UTS2: variants seen among roughly 807,000 people sequenced by gnomAD.
UTS2 encodes the protein urotensin-2.
In UTS2, 10 loss-of-function variants were observed where a neutral mutation model predicts 12.6. That is an observed-to-expected ratio of 0.80 (90% CI 0.49 to 1.35). UTS2 has a LOEUF of 1.35. UTS2 is among the 40% of genes most tolerant of loss of function. UTS2 has a pLI of 0.00. For synonymous variants in UTS2, 52 were observed against 50.0 expected, an observed-to-expected ratio of 1.04 and a Z score of -0.17; for missense variants, 142 against 143.2, an observed-to-expected ratio of 0.99 and a Z score of 0.04.
At chr1:7,868,979 T>C in the UTS2 span, among the ~76,000 whole-genome samples, 1 of 147,704 alleles carries the variant, frequency 6.8e-6, no homozygotes, top group African/African-American at 2.6e-5. Flanking sequence ...CAAACCTTGA[T>C]CTTAGACTTT....
chr1:7,856,824 G>T (rs919707715), upstream of UTS2, among the ~76,000 whole-genome samples: 4 of 152,146 alleles, frequency 2.6e-5, no homozygotes, highest in African/African-American at 9.7e-5. Flanking sequence ...ACTTTGGGGG[G>T]CCGAGGCAGG....
the UTS2 span, among the ~76,000 whole-genome samples, chr1:7,906,835 G>C: frequency 1.3e-5 from 2 of 152,160 alleles, no homozygotes; most frequent in African/African-American, 4.8e-5. Flanking sequence ...TAGCCAAAGA[G>C]TCTCTAGTGA....
chr1:7,863,779 A>C, the UTS2 span, among the ~76,000 whole-genome samples: 19 of 152,198 alleles, frequency 1.2e-4, no homozygotes, highest in African/African-American at 4.6e-4. Context: ...CCCCACCAAA[A>C]TATATTGGCT....
chr1:7,856,240 C>T (rs2151385093), upstream of UTS2, among the ~76,000 whole-genome samples: 2 of 152,168 alleles, frequency 1.3e-5, no homozygotes, highest in South Asian at 2.1e-4. Flanking sequence ...GGGGAAAGAA[C>T]GGTGAACAAA....
chr1:7,890,918 A>G, the UTS2 span, among the ~76,000 whole-genome samples: 1 of 151,270 alleles, frequency 6.6e-6, no homozygotes, highest in Non-Finnish European at 1.5e-5. Context: ...ACTTCCCCAC[A>G]AAGACTCACA....
At position 7,847,691 on chromosome 1, in the gene UTS2, C is replaced by A; in HGVS notation, c.*75G>T. ...GCCTAGTTTTTCTCCACACTGTTTT[C>A]AAATCAAGCATTGTGTTATTTTTCA... On this transcript the variant is annotated 3_prime_UTR_variant, in exon 4 of 4. Coordinates refer to ENST00000361696, the MANE Select transcript of UTS2 (RefSeq NM_006786.4). The A allele has an allele frequency of 8.3e-7, 1 of 1,208,842 alleles. No individual in the cohort carries two copies. The highest frequency in any genetic ancestry group is 1.3e-5 in the South Asian group (1 of 75,290). The allele number at this position is 1,208,842 out of a possible 1,614,324, so 74.9% of individuals were successfully genotyped here. A position where few individuals can be genotyped will look rare whatever the true frequency, so the allele number is the denominator to read the frequency against.
rs1421713105 is a variant in UTS2 at position 7,848,625 on chromosome 1, T to G, written c.259-743A>C. ...AACCCCCGCCTCCAGGTTCAAGTGA[T>G]CCTCCTGCACCAGCCTCCCGAATAG... On this transcript the variant is annotated intron_variant, in intron 3 of 3. Transcript: ENST00000361696. 2.0e-5 allele frequency among the ~76,000 whole-genome samples: 3 copies of G among 152,012 alleles called. No individual in the cohort carries two copies. The East Asian group carries it at 5.9e-4, about 30-fold the overall frequency.
At chr1:7,902,533 A>G in the UTS2 span, among the ~76,000 whole-genome samples, 1 of 152,096 alleles carries the variant, frequency 6.6e-6, no homozygotes, top group Non-Finnish European at 1.5e-5. Context: ...TTGTTGGACT[A>G]TTAAGTTATG....
the UTS2 span, among the ~76,000 whole-genome samples, chr1:7,872,471 C>G: frequency 2.0e-5 from 3 of 152,116 alleles, no homozygotes; most frequent in Admixed American, 6.5e-5. Context: ...AAGTGCTATT[C>G]CAGTGAACAC....
chr1:7,861,844 C>T, the UTS2 span, among the ~76,000 whole-genome samples: 1 of 151,968 alleles, frequency 6.6e-6, no homozygotes, highest in South Asian at 2.1e-4. Flanking sequence ...ACTTTGGTGA[C>T]AAGTAGGTTT....
chr1:7,853,823 C>A (rs1048663265), upstream of UTS2, among the ~76,000 whole-genome samples: 1 of 152,252 alleles, frequency 6.6e-6, no homozygotes, highest in Non-Finnish European at 1.5e-5. Flanking sequence ...GTCCTGAAGT[C>A]TGCCTTCGGG....
upstream of UTS2, among the ~76,000 whole-genome samples, chr1:7,857,930 T>G (rs758558325): frequency 7.9e-5 from 12 of 151,712 alleles, no homozygotes; most frequent in Middle Eastern, 3.4e-3. Flanking sequence ...TGCATGTTTA[T>G]ATATATGTAA....
the UTS2 span, among the ~76,000 whole-genome samples, chr1:7,872,945 T>C: frequency 6.6e-6 from 1 of 152,210 alleles, no homozygotes; most frequent in Non-Finnish European, 1.5e-5. Flanking sequence ...TAGGAGCTAA[T>C]GCAGATGATG....
chr1:7,849,839 C>G (rs541506885), intron 2 of UTS2, among the ~76,000 whole-genome samples, 156 bp from the exon 3 acceptor site: 1 of 152,318 alleles, frequency 6.6e-6, no homozygotes, highest in African/African-American at 2.4e-5. Context: ...ACAGGCACTC[C>G]TGTTCTTATC....
the UTS2 span, among the ~76,000 whole-genome samples, chr1:7,904,903 CAAAAAAAAAAAA>C: frequency 1.7e-5 from 1 of 58,278 alleles, no homozygotes; most frequent in Non-Finnish European, 3.2e-5. Context: ...GACTCTGTCT[CAAAAAAAAAAAA>C]AAAAAAAAAA....
the UTS2 span, among the ~76,000 whole-genome samples, chr1:7,866,591 A>G: frequency 6.6e-6 from 1 of 151,964 alleles, no homozygotes; most frequent in Non-Finnish European, 1.5e-5. This position sits in a 1 kb window ranked among gnomAD's most constrained non-coding sequence, Gnocchi z 4.5. Context: ...ACTCAACCTC[A>G]TCTCCAAGAC....
At position 7,849,673 on chromosome 1, in the gene UTS2, G is replaced by A. The variant is rs1300446890; in HGVS notation, c.225C>T (p.Thr75=). The part of the protein sequence containing the change: ...GDILRKADSS[T]NIFNPRGNLR... ...AATTTCCTCTTGGGTTAAAAATGTT[G>A]GTACTTGAGTCTGAAAAACAGTTTT... The change falls in exon 3 of 4, where the codon ACC becomes ACT. Residue 75 remains threonine (T), a synonymous_variant. Transcript: ENST00000361696. 1 of 1,609,672 alleles carries A rather than the reference G, an allele frequency of 6.2e-7. No individual in the cohort carries two copies. Among genetic ancestry groups the A allele is most frequent in the Admixed American group, 1.7e-5 (1 of 58,184 alleles).
upstream of UTS2, chr1:7,853,308 G>A (rs1028472068): frequency 6.2e-7 from 1 of 1,613,990 alleles, no homozygotes; most frequent in African/African-American, 1.3e-5. Context: ...GCAACTTACA[G>A]CAATAAATCA....
chr1:7,872,625 T>G, the UTS2 span, among the ~76,000 whole-genome samples: 1 of 152,240 alleles, frequency 6.6e-6, no homozygotes, highest in East Asian at 1.9e-4. Flanking sequence ...CTGCGAAGGC[T>G]GAGAGAGGTG....
Sources: gnomAD v4.1 joint callset for allele counts (sites outside exome capture counted in the v4.1 genomes callset) on GRCh38, gnomAD v4.1.1 for gene constraint, Gnocchi (gnomAD v3.1) non-coding constraint, MANE v1.5 for transcripts, NCBI Gene and HGNC (gene_info 2026-07-23, HGNC 2026-07-21) for gene names.